SKIC3: variants seen among roughly 807,000 people sequenced by gnomAD.
SKIC3 encodes the protein SKI3 subunit of superkiller complex.
the SKIC3 span, chr5:95,512,654 A>G: frequency 1.2e-6 from 2 of 1,612,676 alleles, no homozygotes; most frequent in Admixed American, 3.3e-5. Context: ...ACATAGGATA[A>G]TAAATGTGTC....
the SKIC3 span, among the ~76,000 whole-genome samples, chr5:95,492,053 A>C: frequency 1.3e-5 from 2 of 152,236 alleles, no homozygotes; most frequent in African/African-American, 4.8e-5. Context: ...CAACAAAATT[A>C]CAAGAATCAT....
At chr5:95,537,104 T>C in the SKIC3 span, 1 of 1,613,682 alleles carries the variant, frequency 6.2e-7, no homozygotes, top group Non-Finnish European at 8.5e-7. Flanking sequence ...AGGAATCTTA[T>C]CTGATAATCC....
chr5:95,472,029 G>A, the SKIC3 span, among the ~76,000 whole-genome samples: 1 of 152,214 alleles, frequency 6.6e-6, no homozygotes, highest in African/African-American at 2.4e-5. Context: ...CTCATCTGCA[G>A]TTCCACTAAT....
At chr5:95,541,707 A>AAC in the SKIC3 span, 9 of 800,418 alleles carry the variant, frequency 1.1e-5, no homozygotes, top group South Asian at 7.1e-5. Flanking sequence ...AAAAAAAAAA[A>AAC]AGCTTCGCAA....
At chr5:95,486,451 C>T in the SKIC3 span, among the ~76,000 whole-genome samples, 2 of 152,184 alleles carry the variant, frequency 1.3e-5, no homozygotes, top group Admixed American at 1.3e-4. Flanking sequence ...TGAAAGCAAC[C>T]CCACCCTACC....
At chr5:95,489,177 G>A in the SKIC3 span, among the ~76,000 whole-genome samples, 7 of 151,936 alleles carry the variant, frequency 4.6e-5, no homozygotes, top group Non-Finnish European at 1.0e-4. Context: ...GTTGGGCATA[G>A]TGACTTGTAC....
the SKIC3 span, chr5:95,464,653 C>T: frequency 6.2e-7 from 1 of 1,613,572 alleles, no homozygotes; most frequent in Middle Eastern, 1.7e-4. Context: ...TCTTGTATCT[C>T]CATGAGTTTT....
At chr5:95,516,628 A>G in the SKIC3 span, 1 of 1,613,314 alleles carries the variant, frequency 6.2e-7, no homozygotes, top group Non-Finnish European at 8.5e-7. Flanking sequence ...TTTGTTTGAA[A>G]TACACAATCT....
At chr5:95,547,241 T>C in the SKIC3 span, 56 of 1,142,318 alleles carry the variant, frequency 4.9e-5, no homozygotes, top group Non-Finnish European at 6.7e-5. Context: ...AAAGGGACCC[T>C]GGAAAAGGAA....
chr5:95,509,444 C>T, the SKIC3 span: 2 of 675,474 alleles, frequency 3.0e-6, no homozygotes, highest in South Asian at 3.3e-5. Context: ...CACCCAAGAA[C>T]TGAAGAGGCC....
the SKIC3 span, chr5:95,541,878 T>C: frequency 1.9e-6 from 3 of 1,612,692 alleles, no homozygotes; most frequent in Admixed American, 3.3e-5. Context: ...ATTTATGTGA[T>C]TATATTTCTC....
the SKIC3 span, chr5:95,464,612 G>C: frequency 6.2e-7 from 1 of 1,610,652 alleles, no homozygotes; most frequent in Non-Finnish European, 8.5e-7. Context: ...CAATGTTATT[G>C]TGAGGACAAT....
chr5:95,464,640 T>C, the SKIC3 span: 1 of 1,613,590 alleles, frequency 6.2e-7, no homozygotes, highest in Non-Finnish European at 8.5e-7. Flanking sequence ...TCAGTTCCAA[T>C]GCTCTTGTAT....
chr5:95,473,694 G>T, the SKIC3 span, among the ~76,000 whole-genome samples: 4 of 152,048 alleles, frequency 2.6e-5, no homozygotes, highest in Admixed American at 6.6e-5. Flanking sequence ...TCATATGTTT[G>T]TTGGCCACTT....
chr5:95,545,950 G>A, the SKIC3 span, among the ~76,000 whole-genome samples: 38 of 152,008 alleles, frequency 2.5e-4, no homozygotes, highest in African/African-American at 7.7e-4. Context: ...CTCTCTAACC[G>A]TCCCAGTTCA....
chr5:95,546,121 TCATGTCTTTCCTTTG>T, the SKIC3 span, among the ~76,000 whole-genome samples: 1 of 152,134 alleles, frequency 6.6e-6, no homozygotes, highest in Non-Finnish European at 1.5e-5. Flanking sequence ...CACTCCCTTG[TCATGTCTTTCCTTTG>T]CATGTCTTTC....
At chr5:95,505,753 C>A in the SKIC3 span, among the ~76,000 whole-genome samples, 104 of 151,112 alleles carry the variant, frequency 6.9e-4, no homozygotes, top group African/African-American at 2.4e-3. Context: ...GTGGAGGTTG[C>A]AGTGAGCCAA....
the SKIC3 span, among the ~76,000 whole-genome samples, chr5:95,488,769 AAGAG>A: frequency 6.6e-6 from 1 of 152,178 alleles, no homozygotes; most frequent in Admixed American, 6.5e-5. Flanking sequence ...ACAAAAGAGG[AAGAG>A]AAAGGACACA....
chr5:95,496,209 G>A, the SKIC3 span, among the ~76,000 whole-genome samples: 5 of 151,982 alleles, frequency 3.3e-5, no homozygotes, highest in African/African-American at 7.2e-5. Flanking sequence ...GTAGAGACGG[G>A]GTTTTACCAT....
Sources: allele counts gnomAD v4.1 joint callset (sites outside exome capture counted in the v4.1 genomes callset), GRCh38; gene constraint gnomAD v4.1.1; transcripts MANE v1.5; gene names NCBI Gene and HGNC (gene_info 2026-07-23, HGNC 2026-07-21).